Variants in CTNNA3 observed in about 807,000 individuals in gnomAD.
CTNNA3 encodes the protein catenin alpha 3.
Under a neutral mutation model 95.7 loss-of-function variants are expected in CTNNA3, and 76 were observed. That is an observed-to-expected ratio of 0.79 (90% confidence interval 0.66 to 0.96). The LOEUF (loss-of-function observed/expected upper bound fraction) is 0.96, where lower values mean the gene tolerates loss of function less well. Ranked by LOEUF, CTNNA3 falls within the 40% of genes least tolerant of loss-of-function variation. CTNNA3 has a pLI of 0.00. For synonymous variants in CTNNA3, 431 were observed against 374.4 expected, an observed-to-expected ratio of 1.15 and a Z score of -1.74; for missense variants, 1,191 against 1,089.8, an observed-to-expected ratio of 1.09 and a Z score of -1.31.
chr10:66,045,496 T>C (rs1000919612), intron 15 of CTNNA3, among the ~76,000 whole-genome samples: 11 of 152,196 alleles, frequency 7.2e-5, no homozygotes, highest in Non-Finnish European at 1.5e-4. Context: ...AAATATTCTA[T>C]GTAGAAATAT....
At chr10:67,726,208 A>C (rs1340157129) in intron 1 of CTNNA3, among the ~76,000 whole-genome samples, 3 of 104,208 alleles carry the variant, frequency 2.9e-5, no homozygotes, top group Non-Finnish European at 5.1e-5. Context: ...TATATCATAT[A>C]TTATACATAA....
chr10:67,536,461 T>C (rs1840489769), intron 4 of CTNNA3, among the ~76,000 whole-genome samples: 1 of 152,176 alleles, frequency 6.6e-6, no homozygotes, highest in Non-Finnish European at 1.5e-5. Context: ...TTGCATATGT[T>C]GCATATTATC....
chr10:66,016,279 C>T (rs1381936550), intron 15 of CTNNA3, among the ~76,000 whole-genome samples: 1 of 152,174 alleles, frequency 6.6e-6, no homozygotes, highest in Non-Finnish European at 1.5e-5. Flanking sequence ...AAAGACAGTG[C>T]CTTAAGAGCC....
chr10:66,921,637 T>A (rs537639056), intron 7 of CTNNA3, among the ~76,000 whole-genome samples: 2 of 152,322 alleles, frequency 1.3e-5, no homozygotes, highest in East Asian at 3.9e-4. Context: ...CACAAGCTCA[T>A]ATCCTTCAAG....
chr10:67,682,596 C>T (rs1287411514), intron 1 of CTNNA3, among the ~76,000 whole-genome samples: 1 of 152,120 alleles, frequency 6.6e-6, no homozygotes, highest in African/African-American at 2.4e-5. Context: ...ATATGAACTT[C>T]TTGAAGAGAA....
At chr10:67,029,965 C>T (rs1417877926) in intron 7 of CTNNA3, among the ~76,000 whole-genome samples, 1 of 152,238 alleles carries the variant, frequency 6.6e-6, no homozygotes, top group Non-Finnish European at 1.5e-5. Context: ...CCTATCCAAA[C>T]ATATTCCAAA....
intron 7 of CTNNA3, among the ~76,000 whole-genome samples, chr10:67,129,697 T>C (rs1352665696): frequency 6.6e-6 from 1 of 152,182 alleles, no homozygotes; most frequent in Non-Finnish European, 1.5e-5. Flanking sequence ...CCTTATGCCC[T>C]GTATGAAAAC....
intron 7 of CTNNA3, among the ~76,000 whole-genome samples, chr10:66,831,441 A>G (rs1842717542): frequency 6.6e-6 from 1 of 152,098 alleles, no homozygotes; most frequent in African/African-American, 2.4e-5. Context: ...CCTATGCCCA[A>G]TCCAAGCTTT....
In CTNNA3 at chr10:65,955,201, C is replaced by T. The variant is rs540545872; in HGVS notation, c.2400+11411G>A. 3.9e-3 allele frequency among the ~76,000 whole-genome samples: 598 copies of T among 152,040 alleles called. 5 individuals carry two copies. Among genetic ancestry groups the T allele is most frequent in the African/African-American group, 0.013 (549 of 41,492 alleles). On this transcript the variant is annotated intron_variant, in intron 17 of 17. Transcript: ENST00000433211. ...TGGCTCTCTGTTTGTCTGTTATTGG[C>T]GTATAGGAATGCTTGTGATTTTTGC...
intron 12 of CTNNA3, among the ~76,000 whole-genome samples, chr10:66,313,609 G>A (rs1041340635): frequency 6.6e-6 from 1 of 152,112 alleles, no homozygotes; most frequent in African/African-American, 2.4e-5. Context: ...TGACCACGTA[G>A]CTATAGTTCC....
At chr10:66,554,073 C>T (rs1459191175) in intron 10 of CTNNA3, among the ~76,000 whole-genome samples, 2 of 151,954 alleles carry the variant, frequency 1.3e-5, no homozygotes, top group African/African-American at 2.4e-5. Flanking sequence ...TCACAATTTT[C>T]CTTTGTGCTT....
chr10:66,998,661 T>C (rs752448300), intron 7 of CTNNA3, among the ~76,000 whole-genome samples: 10 of 152,158 alleles, frequency 6.6e-5, no homozygotes, highest in Non-Finnish European at 1.0e-4. Flanking sequence ...GCAAAAAATA[T>C]AGTAATTCCA....
chr10:66,662,345 T>G (rs1589089180), intron 9 of CTNNA3, among the ~76,000 whole-genome samples: 1 of 152,272 alleles, frequency 6.6e-6, no homozygotes, highest in East Asian at 1.9e-4. Flanking sequence ...ATCACTAACT[T>G]TAAGAGGGCG....
intron 5 of CTNNA3, among the ~76,000 whole-genome samples, chr10:67,460,526 TGA>T (rs1304544089): frequency 6.6e-6 from 1 of 152,194 alleles, no homozygotes; most frequent in Non-Finnish European, 1.5e-5. Context: ...AAAAATTATT[TGA>T]GAAGTTTTCA....
intron 14 of CTNNA3, among the ~76,000 whole-genome samples, chr10:66,072,878 T>C (rs2080470620): frequency 1.3e-5 from 2 of 152,314 alleles, no homozygotes; most frequent in South Asian, 4.1e-4. Flanking sequence ...TTGTAAGTAC[T>C]TACTATGCAC....
At chr10:67,747,256 C>A (rs1442879997) in intron 1 of CTNNA3, among the ~76,000 whole-genome samples, 1 of 152,186 alleles carries the variant, frequency 6.6e-6, no homozygotes, top group Non-Finnish European at 1.5e-5. Flanking sequence ...CCCAGTGCAG[C>A]ACACCCCCTC....
intron 7 of CTNNA3, among the ~76,000 whole-genome samples, chr10:66,982,697 G>A (rs1850509720): frequency 6.6e-6 from 1 of 152,156 alleles, no homozygotes. Context: ...AAGGTCAGAT[G>A]GCAAAAGATA....
rs10559608 is a variant in CTNNA3, at chr10:66,632,555, C to CA, written c.1282-10772dup. On this transcript the variant is annotated intron_variant, in intron 9 of 17. Coordinates refer to ENST00000433211, the MANE Select transcript of CTNNA3 (RefSeq NM_013266.4). The stretch of plus-strand genomic sequence containing the variant: ...GGGTGACAAGAATGAAACTCCATCT[C>CA]AAAAAAAAAAAAAAAAAAAAAGAAT... 8.7e-3 allele frequency among the ~76,000 whole-genome samples: 873 copies of CA among 100,734 alleles called. 6 individuals carry two copies. The highest frequency in any genetic ancestry group is 0.018 in the African/African-American group (473 of 26,052). 66.1% of individuals were successfully genotyped at this position (100,734 alleles called of 152,430 possible).
chr10:66,161,942 A>C (rs2084871041), intron 13 of CTNNA3, among the ~76,000 whole-genome samples: 1 of 151,660 alleles, frequency 6.6e-6, no homozygotes, highest in Non-Finnish European at 1.5e-5. Flanking sequence ...TAATTCAAAG[A>C]CCTTGTCTTT....
Sources: allele counts gnomAD v4.1 joint callset (sites outside exome capture counted in the v4.1 genomes callset), GRCh38; gene constraint gnomAD v4.1.1; transcripts MANE v1.5; gene names NCBI Gene and HGNC (gene_info 2026-07-23, HGNC 2026-07-21).